The following SV2C variants were observed in gnomAD, a reference collection of about 807,000 sequenced individuals.
SV2C encodes solute carrier family 22 member B3.
A neutral mutation model predicts 79.7 loss-of-function variants in SV2C; 49 were observed. The observed-to-expected ratio is 0.61, with a 90% CI of 0.49 to 0.78. The LOEUF is 0.78. SV2C is among the 30% of genes least tolerant of loss of function. SV2C has a pLI of 0.00. For missense variants in SV2C, 833 were observed against 912.9 expected (o/e 0.91, Z 1.13); for synonymous variants, 334 against 333.2 (o/e 1.00, Z -0.03).
intron 4 of SV2C, among the ~76,000 whole-genome samples, chr5:76,267,418 C>T (rs1272985459): frequency 1.3e-5 from 2 of 152,088 alleles, no homozygotes; most frequent in African/African-American, 4.8e-5. Context: ...AGTCCAAGTA[C>T]AATATGATGA....
chr5:76,050,884 G>C, the SV2C span, among the ~76,000 whole-genome samples: 1 of 152,166 alleles, frequency 6.6e-6, no homozygotes, highest in East Asian at 1.9e-4. Flanking sequence ...CTTTCTAAGG[G>C]AAAGCTACAG....
At chr5:76,171,539 C>G (rs1297631343) in intron 2 of SV2C, among the ~76,000 whole-genome samples, 1 of 142,408 alleles carries the variant, frequency 7.0e-6, no homozygotes, top group East Asian at 2.1e-4. Flanking sequence ...AGCCTCTCCG[C>G]CCGGCAGCCA....
At chr5:75,955,820 G>A in the SV2C span, among the ~76,000 whole-genome samples, 4 of 150,986 alleles carry the variant, frequency 2.6e-5, no homozygotes, top group African/African-American at 4.8e-5. Flanking sequence ...GGCCATCAGA[G>A]AAATGCAAAT....
downstream of SV2C, among the ~76,000 whole-genome samples, chr5:76,336,238 C>T (rs950584672): frequency 3.3e-5 from 5 of 150,584 alleles, no homozygotes; most frequent in African/African-American, 1.2e-4. Flanking sequence ...CGGAGGGGCT[C>T]CTCACTTCTC....
chr5:75,890,639 T>C, the SV2C span, among the ~76,000 whole-genome samples: 3,533 of 152,194 alleles, frequency 0.023, 59 homozygotes, highest in African/African-American at 0.053. Context: ...AATTGGGGGT[T>C]TCCAGAGTCC....
chr5:75,905,442 G>GA, the SV2C span, among the ~76,000 whole-genome samples: 2,518 of 152,310 alleles, frequency 0.017, 36 homozygotes, highest in African/African-American at 0.043. Context: ...AAATAAACTG[G>GA]AAAAATAAAT....
At chr5:75,967,613 G>A in the SV2C span, among the ~76,000 whole-genome samples, 7 of 152,164 alleles carry the variant, frequency 4.6e-5, no homozygotes, top group East Asian at 1.9e-4. Context: ...AGGTGGCAGC[G>A]AGGCTGGGGG....
chr5:75,920,738 G>C, the SV2C span: 1 of 772,974 alleles, frequency 1.3e-6, no homozygotes, highest in African/African-American at 1.7e-5. Flanking sequence ...TCTCCTTGAA[G>C]GTGCGGTTCA....
intron 1 of SV2C, 84 bp from the exon 2 acceptor site, chr5:76,131,566 C>A: frequency 2.5e-6 from 1 of 403,056 alleles, no homozygotes. Flanking sequence ...TTGTGGGACA[C>A]TGAAAAGAGG....
intron 2 of SV2C, among the ~76,000 whole-genome samples, chr5:76,152,592 G>T (rs1356560289): frequency 6.6e-6 from 1 of 152,196 alleles, no homozygotes; most frequent in Admixed American, 6.5e-5. Context: ...TTAACATGTG[G>T]ATAGTCAAAT....
the SV2C span, among the ~76,000 whole-genome samples, chr5:75,917,730 A>AG: frequency 1.3e-5 from 2 of 152,192 alleles, no homozygotes; most frequent in Non-Finnish European, 2.9e-5. Context: ...AAAAATAGAA[A>AG]GAATGGATAA....
chr5:75,875,968 C>A, the SV2C span, among the ~76,000 whole-genome samples: 1 of 151,748 alleles, frequency 6.6e-6, no homozygotes, highest in East Asian at 1.9e-4. Context: ...CACTTACACA[C>A]TGTTGGTGGG....
chr5:76,289,189 C>CT (rs1369148783), intron 6 of SV2C, among the ~76,000 whole-genome samples: 1 of 152,170 alleles, frequency 6.6e-6, no homozygotes, highest in African/African-American at 2.4e-5. Context: ...GCCTGGCCCT[C>CT]TTAAGGTGTC....
At chr5:76,036,374 A>T in the SV2C span, among the ~76,000 whole-genome samples, 1 of 152,104 alleles carries the variant, frequency 6.6e-6, no homozygotes, top group African/African-American at 2.4e-5. Flanking sequence ...ATTTTGCAGC[A>T]GCTGGTACTG....
At chr5:76,048,883 G>C in the SV2C span, among the ~76,000 whole-genome samples, 1 of 139,706 alleles carries the variant, frequency 7.2e-6, no homozygotes, top group Admixed American at 7.5e-5. Context: ...GAGAGAGGAA[G>C]GAAGGAAGGA....
At chr5:75,852,888 G>A in the SV2C span, among the ~76,000 whole-genome samples, 1 of 150,912 alleles carries the variant, frequency 6.6e-6, no homozygotes, top group African/African-American at 2.4e-5. Flanking sequence ...CAGATGAAGA[G>A]CACTGGTATC....
rs1433597157 is a variant in SV2C, at chr5:76,171,611, G to C, written c.581-23308G>C. ...GCCACCCCGTCCAGGAGAGAGGTGG[G>C]GGGGGGGTCAGCCCCCCGCCCGGCC... On this transcript the variant is annotated intron_variant, in intron 2 of 12. Coordinates refer to ENST00000502798, the MANE Select transcript of SV2C (RefSeq NM_014979.4). Among the ~76,000 whole-genome samples the C allele has an allele frequency of 7.9e-4, 115 of 144,898 alleles. 4 individuals carry two copies. Among genetic ancestry groups the C allele is most frequent in the African/African-American group, 2.8e-3 (111 of 40,296 alleles).
chr5:76,289,588 T>G (rs1025445466), intron 6 of SV2C, among the ~76,000 whole-genome samples: 1 of 152,230 alleles, frequency 6.6e-6, no homozygotes, highest in Non-Finnish European at 1.5e-5. Context: ...GAAACCATTA[T>G]GTTCTATTAT....
At chr5:76,005,476 C>T in the SV2C span, among the ~76,000 whole-genome samples, 1 of 152,240 alleles carries the variant, frequency 6.6e-6, no homozygotes, top group African/African-American at 2.4e-5. Flanking sequence ...TTTCCCTGAA[C>T]AATGTTTTCT....
Sources: allele counts gnomAD v4.1 joint callset (sites outside exome capture counted in the v4.1 genomes callset), GRCh38; gene constraint gnomAD v4.1.1; transcripts MANE v1.5; gene names NCBI Gene and HGNC (gene_info 2026-07-23, HGNC 2026-07-21).